The following MS4A14 variants were observed in gnomAD, a reference collection of about 807,000 sequenced individuals.
The protein encoded by MS4A14 is membrane-spanning 4-domains subfamily A member 14.
Under a neutral mutation model 16.7 loss-of-function variants are expected in MS4A14, and 18 were observed. The observed-to-expected ratio is 1.08, with a 90% CI of 0.75 to 1.60. The LOEUF (loss-of-function observed/expected upper bound fraction) is 1.60. Among genes scored for constraint, MS4A14 ranks in the 40% most tolerant of loss-of-function variants. MS4A14 has a pLI of 0.00. For synonymous variants in MS4A14, 305 were observed against 289.4 expected (o/e 1.05, Z -0.55); for missense variants, 812 against 775.3 (o/e 1.05, Z -0.56).
rs778182821 is a variant in MS4A14, at chr11:60,408,123, C to T, written c.468+5062C>T. On this transcript the variant is annotated intron_variant, in intron 4 of 4. Transcript: ENST00000300187. ...CCTCATGGAGATATCCAGTTGTTAA[C>T]GCCATTTGTTGAAAATGCAATGCTT... Among the ~76,000 whole-genome samples the T allele has an allele frequency of 3.1e-4, 47 of 152,152 alleles. 1 individual carries two copies. The highest frequency in any genetic ancestry group is 2.6e-3 in the Admixed American group (39 of 15,262).
Position 60,416,886 on chromosome 11 carries a change from T to C in MS4A14, c.1918T>C (p.Leu640=). Residue 640 remains leucine, a synonymous_variant, in exon 5 of 5, where the codon TTA becomes CTA. Coordinates refer to ENST00000300187, the MANE Select transcript of MS4A14 (RefSeq NM_032597.5). ...QAQVEKVPKL[L]CQDSESQIQQ... is the part of the protein sequence containing the mutation. ...TCAGGTGGAGAAAGTGCCAAAACTG[T>C]TATGCCAAGATTCAGAATCCCAAAT... is the stretch of plus-strand genomic sequence containing the variant. 6.2e-7 allele frequency: 1 copy of C among 1,613,702 alleles called. No individual in the cohort carries two copies. The highest frequency in any genetic ancestry group is 8.5e-7 in the Non-Finnish European group (1 of 1,179,782).
chr11:60,408,875 C>T lies in MS4A14; in HGVS notation c.468+5814C>T, dbSNP rs535300628. ...CTGTGTTTAATGTTTTGAGAAAATG[C>T]CAAATTGTTTTTCACCTTCGTTGCA... On this transcript the variant is annotated intron_variant, in intron 4 of 4. Transcript: ENST00000300187. Among the ~76,000 whole-genome samples the T allele has an allele frequency of 1.6e-4, 25 of 152,210 alleles. No individual in the cohort carries two copies. In the South Asian group the frequency reaches 4.8e-3, roughly 29 times the overall value.
chr11:60,412,307 G>GT (rs199570061), intron 4 of MS4A14, among the ~76,000 whole-genome samples: 5,727 of 143,790 alleles, frequency 0.04, 277 homozygotes, highest in East Asian at 0.26. Context: ...GAGAATAATT[G>GT]TTTTTTTTTT....
At chr11:60,398,044 G>A (rs754769757) in intron 2 of MS4A14, 64 bp downstream of exon 2, 148 of 1,559,780 alleles carry the variant, frequency 9.5e-5, no homozygotes, top group African/African-American at 1.2e-4. Context: ...ACTGCTTCAC[G>A]TCCTAGGGTA....
Position 60,415,535 on chromosome 11 carries a change from C to T in MS4A14, c.567C>T (p.Ser189=), listed in dbSNP as rs778772484. The change falls in exon 5 of 5, where the codon TCC becomes TCT. Residue 189 remains serine (S), a synonymous_variant. Coordinates refer to ENST00000300187, the MANE Select transcript of MS4A14 (RefSeq NM_032597.5). ...QLQFVLQEEF[S]SDDSTTNAQS... ...AATTTGTGCTTCAAGAAGAGTTTTC[C>T]AGTGATGATTCAACAACAAATGCAC... 9 of 1,613,540 alleles carry T rather than the reference C, an allele frequency of 5.6e-6. No homozygotes were observed. Among genetic ancestry groups the T allele is most frequent in the Non-Finnish European group, 7.6e-6 (9 of 1,179,784 alleles).
At chr11:60,408,825 C>T (rs911742765) in intron 4 of MS4A14, among the ~76,000 whole-genome samples, 2 of 152,062 alleles carry the variant, frequency 1.3e-5, no homozygotes, top group African/African-American at 2.4e-5. Flanking sequence ...TACCTAAGAG[C>T]GAAATTGCTG....
intron 4 of MS4A14, chr11:60,406,052 C>T: frequency 2.1e-6 from 2 of 963,386 alleles, no homozygotes; most frequent in Non-Finnish European, 2.9e-6. Flanking sequence ...GGATACTGCA[C>T]ACAATGATGT....
chr11:60,412,892 G>A (rs546862570), intron 4 of MS4A14, among the ~76,000 whole-genome samples: 4 of 151,894 alleles, frequency 2.6e-5, no homozygotes, highest in Admixed American at 2.0e-4. Context: ...AATCTTGCTG[G>A]GATTTTGGTT....
intron 4 of MS4A14, among the ~76,000 whole-genome samples, chr11:60,406,989 T>C (rs576287008): frequency 6.7e-6 from 1 of 149,808 alleles, no homozygotes; most frequent in Non-Finnish European, 1.5e-5. Context: ...TACACCACAA[T>C]TTGTTTATCA....
At position 60,417,021 on chromosome 11, in the gene MS4A14, G is replaced by C. The variant is rs749144237; in HGVS notation, c.*13G>C. On this transcript the variant is annotated 3_prime_UTR_variant, in exon 5 of 5. Coordinates refer to ENST00000300187, the MANE Select transcript of MS4A14 (RefSeq NM_032597.5). Reference sequence around the variant, plus strand: ...CCTGACTGGATAACTCAGGGCTGGAGAAACAAAGATTATAAAGCACGAGAA... The same window carrying C: ...CCTGACTGGATAACTCAGGGCTGGACAAACAAAGATTATAAAGCACGAGAA... 1 of 1,597,030 alleles carries C rather than the reference G, an allele frequency of 6.3e-7. No homozygotes were observed. Among genetic ancestry groups the C allele is most frequent in the East Asian group, 2.2e-5 (1 of 44,672 alleles).
intron 2 of MS4A14, among the ~76,000 whole-genome samples, chr11:60,398,620 C>A (rs1260104423): frequency 6.6e-6 from 1 of 152,114 alleles, no homozygotes; most frequent in African/African-American, 2.4e-5. Flanking sequence ...TTGTTATATT[C>A]TGAGAACCTA....
rs751008533 is a variant in MS4A14, at chr11:60,416,838, G to A, written c.1870G>A (p.Val624Ile). The A allele has an allele frequency of 2.5e-6, 4 of 1,613,588 alleles. No homozygotes were observed. Among genetic ancestry groups the A allele is most frequent in the Non-Finnish European group, 3.4e-6 (4 of 1,179,832 alleles). The change falls in exon 5 of 5, where the codon GTT becomes ATT. Residue 624 changes from valine (V) to isoleucine (I), a missense_variant. Val to Ile is a conservative substitution (Grantham distance 29). Coordinates refer to ENST00000300187, the MANE Select transcript of MS4A14 (RefSeq NM_032597.5). ...KKSPKGQFQN[V>I]QAEGQQAQVE... ...ATCCCCGAAAGGACAATTCCAAAAT[G>A]TTCAAGCCGAAGGACAGCAAGCTCA... is the stretch of plus-strand genomic sequence containing the variant.
Position 60,400,428 on chromosome 11 carries a change from G to GT in MS4A14, c.293dup (p.Thr99AsnfsTer3). 6.2e-7 allele frequency: 1 copy of GT among 1,605,998 alleles called. No homozygotes were observed. Among genetic ancestry groups the GT allele is most frequent in the South Asian group, 1.1e-5 (1 of 90,152 alleles). ...GTTTATTCTTACAGGATACCTCACA[G>GT]TAACCGATAAGAAATCAAAACTTCT... On this transcript the variant is annotated frameshift_variant, in exon 3 of 5. Coordinates refer to ENST00000300187, the MANE Select transcript of MS4A14 (RefSeq NM_032597.5). LOFTEE classifies it high-confidence loss of function.
rs779068496 is a variant in MS4A14, at chr11:60,403,121, T to A, written c.468+60T>A. ...AATCTTCTCTGAACTGTGTCCATGATGTAATGATTCACTGATTTTTATTTT... is the reference window on the plus strand; with the variant it reads ...AATCTTCTCTGAACTGTGTCCATGAAGTAATGATTCACTGATTTTTATTTT... On this transcript the variant is annotated intron_variant, in intron 4 of 4. Transcript: ENST00000300187. 6.5e-6 allele frequency: 10 copies of A among 1,528,058 alleles called. No individual in the cohort carries two copies. In the East Asian group the frequency reaches 2.3e-4, roughly 34 times the overall value. The allele number at this position is 1,528,058 out of a possible 1,614,324, so 94.7% of individuals were successfully genotyped here.
intron 4 of MS4A14, among the ~76,000 whole-genome samples, chr11:60,414,388 AG>A (rs2085907884): frequency 6.6e-6 from 1 of 151,344 alleles, no homozygotes; most frequent in Admixed American, 6.6e-5. Flanking sequence ...TTCTCAATCT[AG>A]GCCTGCTATT....
intron 4 of MS4A14, among the ~76,000 whole-genome samples, chr11:60,412,202 G>A (rs1010472552): frequency 2.6e-5 from 4 of 151,520 alleles, no homozygotes; most frequent in African/African-American, 9.7e-5. Flanking sequence ...TTCTTTTCTT[G>A]CAGCATAATT....
chr11:60,407,661 A>G lies in MS4A14; in HGVS notation c.468+4600A>G, dbSNP rs188166195. 1.7e-3 allele frequency among the ~76,000 whole-genome samples: 252 copies of G among 152,226 alleles called. 1 individual carries two copies. Among genetic ancestry groups the G allele is most frequent in the African/African-American group, 5.6e-3 (233 of 41,528 alleles). ...GCACCTCATTGTAGTTTTAATTTAC[A>G]TTTCCCTAATGACTAATGATGATGA... On this transcript the variant is annotated intron_variant, in intron 4 of 4. Coordinates refer to ENST00000300187, the MANE Select transcript of MS4A14 (RefSeq NM_032597.5).
intron 3 of MS4A14, among the ~76,000 whole-genome samples, chr11:60,401,055 G>A (rs2085706346): frequency 6.6e-6 from 1 of 152,134 alleles, no homozygotes; most frequent in Non-Finnish European, 1.5e-5. Flanking sequence ...CATCAATGCT[G>A]GATTGTTCTA....
intron 4 of MS4A14, among the ~76,000 whole-genome samples, chr11:60,408,103 T>C (rs1342718086): frequency 6.6e-6 from 1 of 152,178 alleles, no homozygotes; most frequent in African/African-American, 2.4e-5. Context: ...TCCCCCCTCA[T>C]GGAGATATCC....
Sources: allele counts gnomAD v4.1 joint callset (sites outside exome capture counted in the v4.1 genomes callset), GRCh38; gene constraint gnomAD v4.1.1; transcripts MANE v1.5; gene names NCBI Gene and HGNC (gene_info 2026-07-23, HGNC 2026-07-21).